Variants in ATP8B4 observed in about 807,000 individuals in gnomAD.
ATP8B4 encodes the protein ATPase phospholipid transporting 8B4 (putative).
In ATP8B4, 133 loss-of-function variants were observed where a neutral mutation model predicts 145.6. The observed-to-expected ratio is 0.91, with a 90% CI of 0.79 to 1.05. The LOEUF (loss-of-function observed/expected upper bound fraction) is 1.05. Among genes scored for constraint, ATP8B4 ranks in the 50% least tolerant of loss-of-function variants. ATP8B4 has a pLI of 0.00. For missense variants in ATP8B4, 1,458 were observed against 1,425.2 expected (o/e 1.02, Z -0.37); for synonymous variants, 507 against 492.9 (o/e 1.03, Z -0.38).
At position 49,897,528 on chromosome 15, in the gene ATP8B4, G is replaced by C. The variant is rs760754143; in HGVS notation, c.2474-13C>G. 2.7e-6 allele frequency: 4 copies of C among 1,496,578 alleles called. No individual in the cohort carries two copies. Among genetic ancestry groups the C allele is most frequent in the Non-Finnish European group, 3.6e-6 (4 of 1,121,790 alleles). The allele number at this position is 1,496,578 out of a possible 1,614,324, so 92.7% of individuals were successfully genotyped here. A position where few individuals can be genotyped will look rare whatever the true frequency, so the allele number is the denominator to read the frequency against. On this transcript the variant is annotated splice_polypyrimidine_tract_variant and intron_variant, in intron 22 of 27. Coordinates refer to ENST00000284509, the MANE Select transcript of ATP8B4 (RefSeq NM_024837.4). ...CCAATGTGAGCACCTACAAAGGAAA[G>C]AGGAACACTGTCACTCCCAAAACAA...
At chr15:49,883,895 T>C (rs1314422163) in intron 23 of ATP8B4, among the ~76,000 whole-genome samples, 1 of 152,158 alleles carries the variant, frequency 6.6e-6, no homozygotes, top group East Asian at 1.9e-4. Flanking sequence ...TACAAAAAGT[T>C]ATGTATTTAC....
chr15:49,923,145 T>TG (rs1441518311), intron 17 of ATP8B4, among the ~76,000 whole-genome samples: 3 of 152,182 alleles, frequency 2.0e-5, no homozygotes, highest in Non-Finnish European at 4.4e-5. Flanking sequence ...ACTACTCAGT[T>TG]GCTGTGTGTT....
At chr15:50,112,562 CAG>C (rs374965969) in intron 1 of ATP8B4, among the ~76,000 whole-genome samples, 34 of 152,124 alleles carry the variant, frequency 2.2e-4, no homozygotes, top group African/African-American at 8.0e-4. Flanking sequence ...TCTTTGGAGG[CAG>C]AGTGTTACAC....
At chr15:49,922,459 G>A (rs992230644) in intron 17 of ATP8B4, 17 of 421,922 alleles carry the variant, frequency 4.0e-5, no homozygotes, top group African/African-American at 3.5e-4. Flanking sequence ...AAAAACAATA[G>A]CTATGTTTGT....
At chr15:50,157,514 T>C (rs528517455) in intron 1 of ATP8B4, among the ~76,000 whole-genome samples, 2 of 152,218 alleles carry the variant, frequency 1.3e-5, no homozygotes, top group Non-Finnish European at 2.9e-5. Flanking sequence ...CACGGATGAA[T>C]TGTACAGTGA....
At chr15:50,086,057 A>ATAT (rs2055008917) in intron 2 of ATP8B4, among the ~76,000 whole-genome samples, 1 of 110,102 alleles carries the variant, frequency 9.1e-6, no homozygotes, top group Non-Finnish European at 1.6e-5. Flanking sequence ...ATAGATCTAT[A>ATAT]TATATTATAT....
chr15:50,058,694 C>T (rs2052781262), intron 3 of ATP8B4, among the ~76,000 whole-genome samples: 1 of 152,138 alleles, frequency 6.6e-6, no homozygotes, highest in Non-Finnish European at 1.5e-5. Flanking sequence ...TCTGCCATGC[C>T]CAGGGGGTAC....
intron 12 of ATP8B4, among the ~76,000 whole-genome samples, chr15:49,977,402 A>G (rs1400788467): frequency 6.6e-6 from 1 of 152,042 alleles, no homozygotes; most frequent in Non-Finnish European, 1.5e-5. Context: ...AACAACAAGG[A>G]CAGAACTCTA....
intron 1 of ATP8B4, among the ~76,000 whole-genome samples, chr15:50,137,453 G>A (rs1317918311): frequency 1.3e-5 from 2 of 152,162 alleles, no homozygotes; most frequent in Non-Finnish European, 2.9e-5. Context: ...GCATCACTGT[G>A]CGTCATCATG....
At chr15:50,157,973 T>G (rs1317389216) in intron 1 of ATP8B4, among the ~76,000 whole-genome samples, 1 of 152,192 alleles carries the variant, frequency 6.6e-6, no homozygotes, top group Non-Finnish European at 1.5e-5. Flanking sequence ...GCTGGGCTGG[T>G]CTCCAGCTCC....
At chr15:49,869,197 C>T (rs2033307762) in intron 25 of ATP8B4, among the ~76,000 whole-genome samples, 1 of 151,724 alleles carries the variant, frequency 6.6e-6, no homozygotes, top group Non-Finnish European at 1.5e-5. Flanking sequence ...CAGGCGTGAG[C>T]CACTGAGCCT....
At chr15:49,862,424 A>G in intron 26 of ATP8B4, 49 bp from the exon 27 acceptor site, 2 of 1,571,822 alleles carry the variant, frequency 1.3e-6, no homozygotes, top group Non-Finnish European at 1.7e-6. Flanking sequence ...GTAGGACTGA[A>G]TTATTAATTA....
At chr15:49,972,299 C>T (rs560338435) in intron 13 of ATP8B4, among the ~76,000 whole-genome samples, 1 of 152,054 alleles carries the variant, frequency 6.6e-6, no homozygotes, top group Non-Finnish European at 1.5e-5. Flanking sequence ...ACACAGAGCA[C>T]TGAAACGAAC....
At chr15:50,094,828 C>A (rs1305944639) in intron 2 of ATP8B4, among the ~76,000 whole-genome samples, 2 of 151,720 alleles carry the variant, frequency 1.3e-5, no homozygotes, top group Non-Finnish European at 2.9e-5. Context: ...TGACTCAAGA[C>A]CCTTTCATGG....
chr15:50,093,662 C>G (rs1436405385), intron 2 of ATP8B4, among the ~76,000 whole-genome samples: 1 of 151,850 alleles, frequency 6.6e-6, no homozygotes, highest in East Asian at 1.9e-4. Context: ...ATAGCAATAA[C>G]TATATTAGAT....
intron 1 of ATP8B4, among the ~76,000 whole-genome samples, chr15:50,124,250 T>C (rs1386994287): frequency 6.6e-6 from 1 of 152,048 alleles, no homozygotes; most frequent in Non-Finnish European, 1.5e-5. Flanking sequence ...GTAACTCAAC[T>C]CCTCCCCCAC....
At chr15:49,905,704 T>G (rs2038538646) in intron 20 of ATP8B4, among the ~76,000 whole-genome samples, 1 of 152,184 alleles carries the variant, frequency 6.6e-6, no homozygotes, top group African/African-American at 2.4e-5. Flanking sequence ...ATTCTTTATT[T>G]TTTTTCTTTT....
chr15:50,096,807 A>C (rs1236016739), intron 2 of ATP8B4, among the ~76,000 whole-genome samples: 1 of 152,210 alleles, frequency 6.6e-6, no homozygotes, highest in Non-Finnish European at 1.5e-5. Context: ...CTCTAGTGGA[A>C]CCAAAGATGA....
intron 10 of ATP8B4, among the ~76,000 whole-genome samples, chr15:49,983,219 T>C (rs2046306805): frequency 6.6e-6 from 1 of 152,184 alleles, no homozygotes; most frequent in Non-Finnish European, 1.5e-5. Flanking sequence ...AATCTATATA[T>C]TTAAACCTAC....
Sources: allele counts gnomAD v4.1 joint callset (sites outside exome capture counted in the v4.1 genomes callset), GRCh38; gene constraint gnomAD v4.1.1; transcripts MANE v1.5; gene names NCBI Gene and HGNC (gene_info 2026-07-23, HGNC 2026-07-21).